Variants in RFX2 observed in about 807,000 individuals in gnomAD.
The protein encoded by RFX2 is regulatory factor X2, also known as DNA-binding protein RFX2.
RFX2 carries 20 observed loss-of-function variants against 87.8 expected under a neutral mutation model. The observed-to-expected ratio is 0.23, with a 90% confidence interval of 0.16 to 0.33. RFX2 has a LOEUF of 0.33. Among genes scored for constraint, RFX2 ranks in the 10% least tolerant of loss-of-function variants. The pLI is 1.00. For missense variants in RFX2, 767 were observed against 1,012.3 expected (o/e 0.76, Z 3.29); for synonymous variants, 397 against 431.3 (o/e 0.92, Z 0.98).
chr19:6,087,858 C>A (rs980189921), intron 1 of RFX2, among the ~76,000 whole-genome samples: 1 of 152,160 alleles, frequency 6.6e-6, no homozygotes, highest in South Asian at 2.1e-4. Flanking sequence ...TGTTTTGATA[C>A]GAAGGTGATG....
chr19:6,051,516 A>G (rs1286478272), intron 1 of RFX2, among the ~76,000 whole-genome samples: 2 of 152,198 alleles, frequency 1.3e-5, no homozygotes, highest in Non-Finnish European at 2.9e-5. Context: ...AACCAAAAAA[A>G]TATATATACA....
rs989392196 is a variant in RFX2, at chr19:5,998,809, C to A, written c.1860-1596G>T. 3.4e-4 allele frequency among the ~76,000 whole-genome samples: 51 copies of A among 152,206 alleles called. No individual in the cohort carries two copies. Among genetic ancestry groups the A allele is most frequent in the Admixed American group, 4.6e-4 (7 of 15,282 alleles). On this transcript the variant is annotated intron_variant, in intron 15 of 17. Coordinates refer to ENST00000303657, the MANE Select transcript of RFX2 (RefSeq NM_000635.4). The surrounding 1 kb of genome is among the most constrained non-coding windows in gnomAD (Gnocchi z 4.2). ...GCTCGCAGCTCCCAGAGAGTAGGAG[C>A]ATCGGCCGACCACCACCAAGGGAGG...
At position 6,023,525 on chromosome 19, in the gene RFX2, A is replaced by G. The variant is rs2086847928; in HGVS notation, c.597+2638T>C. On this transcript the variant is annotated intron_variant, in intron 6 of 17. Coordinates refer to ENST00000303657, the MANE Select transcript of RFX2 (RefSeq NM_000635.4). The surrounding 1 kb of genome is among the most constrained non-coding windows in gnomAD (Gnocchi z 4.9). ...CGTGTGTGTGGTGAACTTTTTAGAA[A>G]GATCTTATTTTACTTCCTTTGCTTC... Among the ~76,000 whole-genome samples, 1 of 152,246 alleles carries G rather than the reference A, an allele frequency of 6.6e-6. No individual in the cohort carries two copies. The highest frequency in any genetic ancestry group is 1.5e-5 in the Non-Finnish European group (1 of 68,040).
chr19:6,098,856 T>C (rs16993374), intron 1 of RFX2, among the ~76,000 whole-genome samples: 3,091 of 151,534 alleles, frequency 0.02, 50 homozygotes, highest in Middle Eastern at 0.086. Context: ...GTAACTCTGT[T>C]AATTCTCTGT....
At chr19:6,006,861 G>A (rs2086589529) in intron 12 of RFX2, 151 bp downstream of exon 12, 1 of 795,386 alleles carries the variant, frequency 1.3e-6, no homozygotes, top group South Asian at 1.7e-5. Context: ...CATAGTGTGG[G>A]GATCACTGGC....
In RFX2 at chr19:6,039,541, G is replaced by A. The variant is rs73923425; in HGVS notation, c.522+439C>T. ...AGCAGATAAGTCGTTATTTTGCATC[G>A]GGGCATGGCAGCGAGAACTCGGCAG... On this transcript the variant is annotated intron_variant, in intron 5 of 17. Transcript: ENST00000303657. This position sits in a 1 kb window ranked among gnomAD's most constrained non-coding sequence, Gnocchi z 5.2. Among the ~76,000 whole-genome samples, 3,374 of 152,292 alleles carry A rather than the reference G, an allele frequency of 0.022. 80 individuals are homozygous for A. The highest frequency in any genetic ancestry group is 0.085 in the Middle Eastern group (25 of 294).
Position 6,063,800 on chromosome 19 carries a change from C to T in RFX2, c.-8-16296G>A, listed in dbSNP as rs1373160680. Among the ~76,000 whole-genome samples, 1 of 152,186 alleles carries T rather than the reference C, an allele frequency of 6.6e-6. No homozygotes were observed. Among genetic ancestry groups the T allele is most frequent in the Non-Finnish European group, 1.5e-5 (1 of 68,030 alleles). On this transcript the variant is annotated intron_variant, in intron 1 of 17. Transcript: ENST00000303657. This position sits in a 1 kb window ranked among gnomAD's most constrained non-coding sequence, Gnocchi z 4.0. Reference sequence around the variant, plus strand: ...GGTGCTGGGCAGCATCCCTGGCCTCCACCCACTCCATGCCAGGAAACCCCC... The same window carrying T: ...GGTGCTGGGCAGCATCCCTGGCCTCTACCCACTCCATGCCAGGAAACCCCC...
intron 1 of RFX2, among the ~76,000 whole-genome samples, chr19:6,048,565 G>T (rs755690135): frequency 1.1e-4 from 17 of 152,170 alleles, no homozygotes; most frequent in Non-Finnish European, 1.2e-4. Flanking sequence ...CCAGTGTGGG[G>T]TCTCCATGGC....
At chr19:6,051,959 G>A (rs1250910501) in intron 1 of RFX2, among the ~76,000 whole-genome samples, 2 of 152,104 alleles carry the variant, frequency 1.3e-5, no homozygotes, top group Admixed American at 1.3e-4. Context: ...CTCACTGCAA[G>A]CTCCACCTCC....
intron 4 of RFX2, among the ~76,000 whole-genome samples, chr19:6,041,727 T>C (rs1353715028): frequency 2.0e-5 from 3 of 151,984 alleles, no homozygotes; most frequent in Admixed American, 1.3e-4. Flanking sequence ...CGCTCCTTTT[T>C]TTTTTGGACA....
chr19:6,084,440 T>G (rs544341645), intron 1 of RFX2, among the ~76,000 whole-genome samples: 1 of 152,298 alleles, frequency 6.6e-6, no homozygotes, highest in South Asian at 2.1e-4. Context: ...CACACTGTTG[T>G]GCAACCATCA....
rs1183363431 is a variant in RFX2 at position 5,997,283 on chromosome 19, A to G, written c.1860-70T>C. 2 of 1,476,132 alleles carry G rather than the reference A, an allele frequency of 1.4e-6. No individual in the cohort carries two copies. The highest frequency in any genetic ancestry group is 2.2e-5 in the Admixed American group (1 of 46,104). The allele number at this position is 1,476,132 out of a possible 1,614,324, so 91.4% of individuals were successfully genotyped here. A position where few individuals can be genotyped will look rare whatever the true frequency, so the allele number is the denominator to read the frequency against. ...GAACCCGGGCCCCAGGCCAGACTTC[A>G]TGGCAGCAACACACCCCCTGCTCTA... is the stretch of plus-strand genomic sequence containing the variant. On this transcript the variant is annotated intron_variant, in intron 15 of 17. Transcript: ENST00000303657. The surrounding 1 kb of genome is among the most constrained non-coding windows in gnomAD (Gnocchi z 4.2).
intron 1 of RFX2, among the ~76,000 whole-genome samples, chr19:6,084,651 T>TTTTTTTTTTTA (rs2087832163): frequency 6.6e-6 from 1 of 151,754 alleles, no homozygotes; most frequent in African/African-American, 2.4e-5. Flanking sequence ...TTCTTTTTTT[T>TTTTTTTTTTTA]GAGACAGAAT....
intron 4 of RFX2, among the ~76,000 whole-genome samples, chr19:6,041,135 C>G (rs535094014): frequency 1.3e-5 from 2 of 152,222 alleles, no homozygotes; most frequent in East Asian, 3.9e-4. Flanking sequence ...GTGGCAAAAT[C>G]ATAGCTCACT....
chr19:6,088,156 G>A (rs1043281398), intron 1 of RFX2, among the ~76,000 whole-genome samples: 1 of 151,264 alleles, frequency 6.6e-6, no homozygotes, highest in African/African-American at 2.4e-5. Flanking sequence ...ACCCAGGCTG[G>A]CCAGGGCCTG....
At chr19:6,034,112 C>G (rs541553600) in intron 5 of RFX2, among the ~76,000 whole-genome samples, 1 of 152,282 alleles carries the variant, frequency 6.6e-6, no homozygotes, top group South Asian at 2.1e-4. Context: ...CTCTGTCACC[C>G]AGGCTGGAGT....
intron 1 of RFX2, among the ~76,000 whole-genome samples, chr19:6,059,991 C>T (rs138595782): frequency 0.01 from 1,590 of 152,304 alleles, 14 homozygotes; most frequent in Non-Finnish European, 0.014. Flanking sequence ...CACATCCACA[C>T]ACATGCCTTT....
intron 1 of RFX2, among the ~76,000 whole-genome samples, chr19:6,054,692 C>A (rs1000629598): frequency 3.9e-5 from 6 of 152,026 alleles, no homozygotes; most frequent in Non-Finnish European, 5.9e-5. Context: ...AATAAATGAA[C>A]CTTGACCCCT....
chr19:6,007,980 G>C lies in RFX2; in HGVS notation c.1134+126C>G. On this transcript the variant is annotated intron_variant, in intron 10 of 17. Coordinates refer to ENST00000303657, the MANE Select transcript of RFX2 (RefSeq NM_000635.4). This position sits in a 1 kb window ranked among gnomAD's most constrained non-coding sequence, Gnocchi z 8.2. ...TGGATGCGGAGGGGCTGCTGCTTCAGAGAGGATGCTTGTTGGGGGGCTCGG... is the reference window on the plus strand; with the variant it reads ...TGGATGCGGAGGGGCTGCTGCTTCACAGAGGATGCTTGTTGGGGGGCTCGG... 1.2e-6 allele frequency: 1 copy of C among 818,692 alleles called. No homozygotes were observed. Among genetic ancestry groups the C allele is most frequent in the South Asian group, 1.5e-5 (1 of 68,096 alleles). The allele number at this position is 818,692 out of a possible 1,614,324, so 50.7% of individuals were successfully genotyped here.
Sources: gnomAD v4.1 joint callset for allele counts (sites outside exome capture counted in the v4.1 genomes callset) on GRCh38, gnomAD v4.1.1 for gene constraint, Gnocchi (gnomAD v3.1) non-coding constraint, MANE v1.5 for transcripts, NCBI Gene and HGNC (gene_info 2026-07-23, HGNC 2026-07-21) for gene names.